RBFOX1: variants seen among roughly 807,000 people sequenced by gnomAD.
The protein encoded by RBFOX1 is RNA binding protein fox-1 homolog 1.
In RBFOX1, 8 loss-of-function variants were observed where a neutral mutation model predicts 57.7. That is an observed-to-expected ratio of 0.14 (90% CI 0.08 to 0.25). The LOEUF is 0.25. Among genes scored for constraint, RBFOX1 ranks in the 10% least tolerant of loss-of-function variants. The pLI is 1.00. For synonymous variants in RBFOX1, 326 were observed against 222.4 expected (o/e 1.47, Z -4.15); for missense variants, 611 against 548.5 (o/e 1.11, Z -1.14).
chr16:6,271,664 G>A (rs961644103), intron 1 of RBFOX1, among the ~76,000 whole-genome samples: 11 of 152,102 alleles, frequency 7.2e-5, no homozygotes, highest in African/African-American at 1.9e-4. Flanking sequence ...AGGGAATACC[G>A]TAAATAACTC....
rs182829302 is a variant in RBFOX1 at position 6,699,770 on chromosome 16, G to C, written c.-16+45120G>C. ...GTTTATGATCAAGGTGGGATAATGA[G>C]GCATAAGGACATGAACACATGCAGG... is the stretch of plus-strand genomic sequence containing the variant. On this transcript the variant is annotated intron_variant, in intron 3 of 15. Coordinates refer to ENST00000550418, the MANE Select transcript of RBFOX1 (RefSeq NM_018723.4). Among the ~76,000 whole-genome samples the C allele has an allele frequency of 2.6e-5, 4 of 152,210 alleles. No homozygotes were observed. The East Asian group carries it at 7.7e-4, about 29-fold the overall frequency.
intron 2 of RBFOX1, among the ~76,000 whole-genome samples, chr16:6,560,251 C>A (rs890523990): frequency 1.3e-5 from 2 of 149,750 alleles, no homozygotes; most frequent in Non-Finnish European, 3.0e-5. Flanking sequence ...GAAAAGTGTG[C>A]GTGATGCCTG....
At chr16:5,392,462 A>G (rs1435049644) in intron 1 of RBFOX1, among the ~76,000 whole-genome samples, 1 of 151,726 alleles carries the variant, frequency 6.6e-6, no homozygotes, top group Non-Finnish European at 1.5e-5. Flanking sequence ...TAAACATAAC[A>G]TTTTAGGGGG....
intron 4 of RBFOX1, among the ~76,000 whole-genome samples, chr16:7,363,825 T>C (rs1403286350): frequency 1.3e-5 from 2 of 152,036 alleles, no homozygotes; most frequent in Admixed American, 1.3e-4. Context: ...CTCCCGTCAG[T>C]CTTCTTGATG....
intron 4 of RBFOX1, among the ~76,000 whole-genome samples, chr16:7,372,163 A>G (rs192787780): frequency 4.6e-5 from 7 of 152,120 alleles, no homozygotes; most frequent in Non-Finnish European, 7.3e-5. Context: ...CTTACCTCCT[A>G]CTATATATAA....
At chr16:7,563,856 GT>G (rs1262411937) in intron 5 of RBFOX1, among the ~76,000 whole-genome samples, 1 of 152,072 alleles carries the variant, frequency 6.6e-6, no homozygotes, top group Non-Finnish European at 1.5e-5. Flanking sequence ...TTGTAGTCTT[GT>G]CATTCCACTT....
intron 4 of RBFOX1, among the ~76,000 whole-genome samples, chr16:7,413,495 C>G (rs931290304): frequency 6.6e-6 from 1 of 152,066 alleles, no homozygotes; most frequent in Admixed American, 6.5e-5. Flanking sequence ...ACACTACCAG[C>G]CTGGGGACCA....
rs569487821 is a variant in RBFOX1 at position 7,616,783 on chromosome 16, C to T, written c.676+9445C>T. Among the ~76,000 whole-genome samples the T allele has an allele frequency of 4.1e-4, 63 of 152,162 alleles. No homozygotes were observed. The South Asian group carries it at 0.011, about 27-fold the overall frequency. On this transcript the variant is annotated intron_variant, in intron 10 of 15. Coordinates refer to ENST00000550418, the MANE Select transcript of RBFOX1 (RefSeq NM_018723.4). ...CTGACCTCAAGCAACCCTCCCACCTCGGTATTCCAAAGTGCTGGGATTACA... is the reference window on the plus strand; with the variant it reads ...CTGACCTCAAGCAACCCTCCCACCTTGGTATTCCAAAGTGCTGGGATTACA...
rs2095030287 is a variant in RBFOX1, at chr16:6,019,726, C to T, written c.-393C>T. 7.3e-7 allele frequency: 1 copy of T among 1,371,200 alleles called. No homozygotes were observed. The highest frequency in any genetic ancestry group is 3.2e-5 in the Admixed American group (1 of 31,686). 84.9% of individuals were successfully genotyped at this position (1,371,200 alleles called of 1,614,324 possible). ...GCAGAGAGAGCAGGAGCGGACCGCGCGCCCGGGATTGAGAGTCCTTGCGCT... is the reference window on the plus strand; with the variant it reads ...GCAGAGAGAGCAGGAGCGGACCGCGTGCCCGGGATTGAGAGTCCTTGCGCT... On this transcript the variant is annotated 5_prime_UTR_variant, in exon 1 of 16. Coordinates refer to ENST00000550418, the MANE Select transcript of RBFOX1 (RefSeq NM_018723.4). This position sits in a 1 kb window ranked among gnomAD's most constrained non-coding sequence, Gnocchi z 4.2.
chr16:6,341,876 A>G (rs1304688424), intron 2 of RBFOX1, among the ~76,000 whole-genome samples: 1 of 152,322 alleles, frequency 6.6e-6, no homozygotes, highest in East Asian at 1.9e-4. Context: ...TTCTGGTGAC[A>G]CTTTTAACGA....
chr16:7,166,972 C>CTTTTTTTGTTTTTTTTTTT (rs2079654368), intron 4 of RBFOX1, among the ~76,000 whole-genome samples: 1 of 49,098 alleles, frequency 2.0e-5, no homozygotes, highest in Non-Finnish European at 3.4e-5. Flanking sequence ...CATTGGTGTT[C>CTTTTTTTGTTTTTTTTTTT]TTTTTTTTTT....
intron 3 of RBFOX1, among the ~76,000 whole-genome samples, chr16:5,814,846 G>A (rs916971304): frequency 3.9e-5 from 6 of 152,130 alleles, no homozygotes; most frequent in South Asian, 2.1e-4. Context: ...GGAGAATGGC[G>A]TGAACCTGGG....
intron 3 of RBFOX1, among the ~76,000 whole-genome samples, chr16:6,762,686 G>T (rs933876674): frequency 1.3e-5 from 2 of 152,106 alleles, no homozygotes; most frequent in Non-Finnish European, 2.9e-5. Flanking sequence ...TATTTGTTTT[G>T]GGCCCCAGTG....
intron 3 of RBFOX1, among the ~76,000 whole-genome samples, chr16:5,800,285 G>A (rs997728534): frequency 5.9e-5 from 9 of 152,130 alleles, no homozygotes; most frequent in Non-Finnish European, 1.2e-4. Context: ...AGAGGAGACT[G>A]GACCCCATAG....
At chr16:5,714,021 G>A (rs1304360679) in intron 3 of RBFOX1, among the ~76,000 whole-genome samples, 3 of 152,186 alleles carry the variant, frequency 2.0e-5, no homozygotes, top group Non-Finnish European at 4.4e-5. Flanking sequence ...TACCTAATTA[G>A]GAGGTAAAGA....
At chr16:6,752,756 G>A (rs557029089) in intron 3 of RBFOX1, among the ~76,000 whole-genome samples, 25 of 151,304 alleles carry the variant, frequency 1.7e-4, no homozygotes, top group African/African-American at 5.8e-4. Flanking sequence ...TTCCCTTACT[G>A]CTTCTTCACT....
At chr16:6,875,794 C>T (rs1478445472) in intron 3 of RBFOX1, among the ~76,000 whole-genome samples, 2 of 152,042 alleles carry the variant, frequency 1.3e-5, no homozygotes, top group Non-Finnish European at 2.9e-5. Flanking sequence ...TATTTGAGGC[C>T]AGGAGTTCAA....
chr16:6,096,158 G>T (rs948618956), intron 1 of RBFOX1, among the ~76,000 whole-genome samples: 2 of 152,144 alleles, frequency 1.3e-5, no homozygotes, highest in African/African-American at 2.4e-5. Flanking sequence ...CTTAATTATT[G>T]TGGCATAGTT....
intron 4 of RBFOX1, among the ~76,000 whole-genome samples, chr16:7,172,497 A>C (rs947303173): frequency 6.6e-6 from 1 of 152,164 alleles, no homozygotes; most frequent in Non-Finnish European, 1.5e-5. Context: ...TTTATCAGCA[A>C]ATCCAAAGTG....
Sources: gnomAD v4.1 joint callset for allele counts (sites outside exome capture counted in the v4.1 genomes callset) on GRCh38, gnomAD v4.1.1 for gene constraint, Gnocchi (gnomAD v3.1) non-coding constraint, MANE v1.5 for transcripts, NCBI Gene and HGNC (gene_info 2026-07-23, HGNC 2026-07-21) for gene names.